Variants in HMCN1 observed in about 807,000 individuals in gnomAD.
The protein encoded by HMCN1 is hemicentin 1.
HMCN1 carries 321 observed loss-of-function variants against 625.9 expected under a neutral mutation model. The observed-to-expected ratio is 0.51, with a 90% CI of 0.47 to 0.56. The LOEUF is 0.56. Among genes scored for constraint, HMCN1 ranks in the 20% least tolerant of loss-of-function variants. The pLI is 0.00. For synonymous variants in HMCN1, 2,425 were observed against 2,417.6 expected, an observed-to-expected ratio of 1.00 and a Z score of -0.09; for missense variants, 6,588 against 6,887.3, an observed-to-expected ratio of 0.96 and a Z score of 1.54.
rs564274128 is a variant in HMCN1 at position 186,164,089 on chromosome 1, A to G, written c.15257-1022A>G. On this transcript the variant is annotated intron_variant, in intron 97 of 106. Coordinates refer to ENST00000271588, the MANE Select transcript of HMCN1 (RefSeq NM_031935.3). ...ACACACACACAGCAACCGTGCAATG[A>G]TCACTTAGCAATATGCCCTAGATGT... is the stretch of plus-strand genomic sequence containing the variant. 2.0e-4 allele frequency among the ~76,000 whole-genome samples: 31 copies of G among 152,310 alleles called. No individual in the cohort carries two copies. In the South Asian group the frequency reaches 6.2e-3, roughly 31 times the overall value.
chr1:185,873,343 C>A (rs910730594), intron 4 of HMCN1, among the ~76,000 whole-genome samples: 15 of 152,126 alleles, frequency 9.9e-5, no homozygotes, highest in Non-Finnish European at 5.9e-5. Flanking sequence ...CTATTCTCCT[C>A]ATTTGGTCTT....
intron 52 of HMCN1, 87 bp downstream of exon 52, chr1:186,070,844 A>T: frequency 7.6e-7 from 1 of 1,316,454 alleles, no homozygotes; most frequent in South Asian, 1.2e-5. Context: ...GACACAAGTG[A>T]CTCAGAGAAT....
At chr1:185,745,497 G>A (rs2102078603) in intron 1 of HMCN1, among the ~76,000 whole-genome samples, 1 of 152,198 alleles carries the variant, frequency 6.6e-6, no homozygotes, top group African/African-American at 2.4e-5. Flanking sequence ...TTCCTTATGG[G>A]GAGAGAAGGC....
chr1:185,835,279 A>G (rs1261314619), intron 1 of HMCN1, among the ~76,000 whole-genome samples: 1 of 152,220 alleles, frequency 6.6e-6, no homozygotes, highest in Non-Finnish European at 1.5e-5. Context: ...GTATGGGTGC[A>G]CTGATCACAG....
chr1:186,041,200 GA>G, intron 40 of HMCN1, 64 bp downstream of exon 40: 3 of 1,385,424 alleles, frequency 2.2e-6, no homozygotes, highest in Non-Finnish European at 3.1e-6. Flanking sequence ...AAATCATTGA[GA>G]AAGTTAAGGG....
At chr1:186,076,070 C>T (rs904758898) in intron 53 of HMCN1, among the ~76,000 whole-genome samples, 1 of 152,026 alleles carries the variant, frequency 6.6e-6, no homozygotes, top group Non-Finnish European at 1.5e-5. Context: ...TCAATTGAAC[C>T]AGTATTTTTT....
intron 15 of HMCN1, among the ~76,000 whole-genome samples, chr1:185,975,609 G>C (rs1418382186): frequency 2.0e-5 from 3 of 152,062 alleles, no homozygotes; most frequent in Non-Finnish European, 2.9e-5. Flanking sequence ...GTATCACTTA[G>C]AATAAGCAAG....
In HMCN1 at chr1:186,119,820, C is replaced by G; in HGVS notation, c.12032C>G (p.Ala4011Gly). The change falls in exon 79 of 107, where the codon GCA (alanine) becomes GGA (glycine). Residue 4011 changes from alanine to glycine, a missense_variant. By Grantham distance (60) the Ala-to-Gly change is moderately conservative (BLOSUM62 0). Coordinates refer to ENST00000271588, the MANE Select transcript of HMCN1 (RefSeq NM_031935.3). ...LNNPILLPCE[A>G]TGTPSPFITW... Reference sequence around the variant, plus strand: ...AATCCTATTTTATTACCATGTGAAGCAACAGGGACACCCAGTCCTTTCATT... The same window carrying G: ...AATCCTATTTTATTACCATGTGAAGGAACAGGGACACCCAGTCCTTTCATT... 1 of 1,614,080 alleles carries G rather than the reference C, an allele frequency of 6.2e-7. No individual in the cohort carries two copies. Among genetic ancestry groups the G allele is most frequent in the Non-Finnish European group, 8.5e-7 (1 of 1,179,952 alleles).
rs1331819270 is a variant in HMCN1 at position 186,136,183 on chromosome 1, A to AC, written c.13313-485_13313-484insC. ...AAAGGGAGACTCTGGCTCAAAAAAA[A>AC]AGAATGAGTTAATGACTCTTTACCT... On this transcript the variant is annotated intron_variant, in intron 86 of 106. Transcript: ENST00000271588. Among the ~76,000 whole-genome samples the AC allele has an allele frequency of 2.4e-4, 36 of 152,034 alleles. 1 individual carries two copies. Among genetic ancestry groups the AC allele is most frequent in the Admixed American group, 2.4e-3 (36 of 15,252 alleles).
intron 1 of HMCN1, among the ~76,000 whole-genome samples, chr1:185,795,640 A>G (rs1658320710): frequency 6.6e-6 from 1 of 152,274 alleles, no homozygotes; most frequent in Non-Finnish European, 1.5e-5. Context: ...TTGATAGATC[A>G]TGAAGAGGAG....
intron 10 of HMCN1, among the ~76,000 whole-genome samples, chr1:185,932,315 G>C (rs1267297514): frequency 6.6e-6 from 1 of 152,124 alleles, no homozygotes; most frequent in Non-Finnish European, 1.5e-5. Flanking sequence ...ATCACTCAGA[G>C]ATAACCACTG....
intron 36 of HMCN1, 101 bp downstream of exon 36, chr1:186,023,254 T>C (rs1280383060): frequency 2.8e-6 from 3 of 1,079,010 alleles, no homozygotes; most frequent in Non-Finnish European, 4.2e-6. Flanking sequence ...GAAACAGGTG[T>C]TTATTTTCTT....
chr1:185,893,130 G>C (rs1019787779), intron 4 of HMCN1, among the ~76,000 whole-genome samples: 1 of 152,236 alleles, frequency 6.6e-6, no homozygotes, highest in East Asian at 1.9e-4. Context: ...CTGACCCCTT[G>C]CACTTCCTGA....
intron 33 of HMCN1, among the ~76,000 whole-genome samples, chr1:186,017,889 C>T (rs1019549240): frequency 1.3e-4 from 19 of 151,812 alleles, no homozygotes; most frequent in Non-Finnish European, 2.2e-4. Context: ...ATGGGATATC[C>T]ATCACCTCAA....
At chr1:186,151,858 A>G (rs950036990) in intron 95 of HMCN1, 115 bp downstream of exon 95, 1 of 1,060,532 alleles carries the variant, frequency 9.4e-7, no homozygotes, top group Non-Finnish European at 1.4e-6. Context: ...ACGCAATCTT[A>G]TAAGTGATAT....
intron 1 of HMCN1, among the ~76,000 whole-genome samples, chr1:185,783,241 A>G (rs1025921668): frequency 1.4e-4 from 22 of 152,090 alleles, no homozygotes; most frequent in Non-Finnish European, 2.8e-4. Flanking sequence ...CTAGTTACCC[A>G]TTCATCTAAT....
rs1371788064 is a variant in HMCN1, at chr1:186,017,047, C to T, written c.5276C>T (p.Thr1759Ile). The change falls in exon 33 of 107, where the codon ACA (threonine) becomes ATA (isoleucine). Residue 1759 changes from threonine to isoleucine, a missense_variant. Thr to Ile is a moderately conservative substitution (Grantham distance 89). Transcript: ENST00000271588. ...NNLLELDCHV[T>I]GSPPPTIMWL... ...TTACTGGAGCTAGATTGTCATGTGA[C>T]AGGCTCTCCCCCACCAACTATCATG... 1.2e-6 allele frequency: 2 copies of T among 1,602,026 alleles called. No homozygotes were observed. The highest frequency in any genetic ancestry group is 1.7e-6 in the Non-Finnish European group (2 of 1,169,262).
chr1:185,851,584 A>G (rs894728157), intron 2 of HMCN1, among the ~76,000 whole-genome samples: 3 of 152,160 alleles, frequency 2.0e-5, no homozygotes, highest in African/African-American at 7.2e-5. Context: ...GGAAAGACAA[A>G]TGACAACAAA....
At chr1:186,048,901 T>C (rs1656762379) in intron 42 of HMCN1, 62 bp downstream of exon 42, 1 of 975,706 alleles carries the variant, frequency 1.0e-6, no homozygotes, top group African/African-American at 1.6e-5. Flanking sequence ...TCACTTAAAA[T>C]GACATTCATC....
Sources: allele counts gnomAD v4.1 joint callset (sites outside exome capture counted in the v4.1 genomes callset), GRCh38; gene constraint gnomAD v4.1.1; transcripts MANE v1.5; gene names NCBI Gene and HGNC (gene_info 2026-07-23, HGNC 2026-07-21).